RNASET2: variants seen among roughly 807,000 people sequenced by gnomAD.
The protein encoded by RNASET2 is ribonuclease T2.
RNASET2 carries 28 observed loss-of-function variants against 33.9 expected under a neutral mutation model. The observed-to-expected ratio is 0.83, with a 90% CI of 0.61 to 1.13. RNASET2 has a LOEUF of 1.13. RNASET2 is among the 50% of genes most tolerant of loss of function. The pLI is 0.00. For synonymous variants in RNASET2, 123 were observed against 121.0 expected (o/e 1.02, Z -0.11); for missense variants, 330 against 319.9 (o/e 1.03, Z -0.24).
chr6:166,947,991 A>T (rs1778888602), intron 3 of RNASET2, among the ~76,000 whole-genome samples: 1 of 152,206 alleles, frequency 6.6e-6, no homozygotes, highest in Admixed American at 6.5e-5. Context: ...AGAAGAACAA[A>T]ATGAGAAAAT....
At chr6:166,955,177 ACACACACACACG>A (rs1562506331) in intron 1 of RNASET2, among the ~76,000 whole-genome samples, 3 of 112,266 alleles carry the variant, frequency 2.7e-5, no homozygotes, top group Admixed American at 8.2e-5. Flanking sequence ...GGCGGCTGCC[ACACACACACACG>A]CACACACGCA....
chr6:166,945,712 C>G (rs946823635), intron 4 of RNASET2, among the ~76,000 whole-genome samples: 1 of 151,836 alleles, frequency 6.6e-6, no homozygotes, highest in East Asian at 1.9e-4. Flanking sequence ...TGCCTGTAAT[C>G]CCAGCTACTC....
At chr6:166,930,912 T>A in intron 8 of RNASET2, 132 bp downstream of exon 8, 1 of 756,026 alleles carries the variant, frequency 1.3e-6, no homozygotes. Context: ...ACACACCACA[T>A]GCCCACATAT....
chr6:166,948,328 AG>A (rs977796818), intron 3 of RNASET2: 1 of 566,352 alleles, frequency 1.8e-6, no homozygotes, highest in African/African-American at 1.9e-5. Context: ...CCTAGGCAAC[AG>A]AGTAAGACTC....
intron 1 of RNASET2, chr6:166,952,999 C>T (rs1779025190): frequency 1.3e-5 from 3 of 228,164 alleles, no homozygotes; most frequent in Non-Finnish European, 2.7e-5. Flanking sequence ...AAAACATAAC[C>T]TGAACTAGCA....
rs1216865154 is a variant in RNASET2 at position 166,946,126 on chromosome 6, C to T, written c.261+556G>A. On this transcript the variant is annotated intron_variant, in intron 4 of 8. Transcript: ENST00000508775. ...ATAAGGTACGGGTATCTCAAAGGAA[C>T]GCCTCTGCTAGTATCTCTAATAAAT... 3.3e-5 allele frequency among the ~76,000 whole-genome samples: 5 copies of T among 152,298 alleles called. No individual in the cohort carries two copies. The East Asian group carries it at 7.7e-4, about 24-fold the overall frequency.
In RNASET2 at chr6:166,929,555, T is replaced by G; in HGVS notation, c.*33A>C. On this transcript the variant is annotated 3_prime_UTR_variant, in exon 9 of 9. Transcript: ENST00000508775. ...GCTGCAGTTTGTGAATTTCTCTTGC[T>G]TTTTAAAACAGAATATTTCCAAAAC... 6.2e-7 allele frequency: 1 copy of G among 1,608,190 alleles called. No individual in the cohort carries two copies. The highest frequency in any genetic ancestry group is 8.5e-7 in the Non-Finnish European group (1 of 1,174,612).
At chr6:166,949,726 C>G (rs2128646967) in intron 2 of RNASET2, among the ~76,000 whole-genome samples, 1 of 152,314 alleles carries the variant, frequency 6.6e-6, no homozygotes, top group East Asian at 1.9e-4. Context: ...AAGCCAGAAG[C>G]TGGGCTCCTT....
intron 5 of RNASET2, among the ~76,000 whole-genome samples, chr6:166,940,183 A>C (rs917179264): frequency 6.6e-6 from 1 of 152,252 alleles, no homozygotes; most frequent in African/African-American, 2.4e-5. Context: ...TGAAAAGACA[A>C]AATGGGAATC....
chr6:166,943,601 C>A (rs1778747382), intron 4 of RNASET2: 1 of 350,750 alleles, frequency 2.9e-6, no homozygotes, highest in Non-Finnish European at 5.7e-6. Context: ...TGCTCCAGAG[C>A]ACACTGGGTG....
chr6:166,939,072 G>A (rs1021565258), intron 5 of RNASET2, 64 bp from the exon 6 acceptor site: 5 of 1,191,580 alleles, frequency 4.2e-6, no homozygotes, highest in Admixed American at 1.7e-5. Context: ...AGTGGCTCAT[G>A]CCTGTAATCC....
Position 166,929,746 on chromosome 6 carries a change from T to C in RNASET2, c.613A>G (p.Lys205Glu). Residue 205 changes from lysine to glutamate, a missense_variant, in exon 9 of 9, where the codon AAG becomes GAG. By Grantham distance (56) the Lys-to-Glu change is moderately conservative. Transcript: ENST00000508775. ...CAGTTTTGCAGCTGCTGGTCTTGCT[T>C]AGTGAGGCACAGTTCTATCTGACCA... ...TIGQIELCLT[K>E]QDQQLQNCTE... 2 of 1,614,158 alleles carry C rather than the reference T, an allele frequency of 1.2e-6. No individual in the cohort carries two copies. Among genetic ancestry groups the C allele is most frequent in the Non-Finnish European group, 1.7e-6 (2 of 1,180,022 alleles).
intron 8 of RNASET2, among the ~76,000 whole-genome samples, chr6:166,930,607 T>C (rs1230601885): frequency 1.4e-5 from 2 of 147,052 alleles, no homozygotes; most frequent in East Asian, 2.1e-4. Flanking sequence ...CACACATGCA[T>C]GTACATGCAC....
Position 166,929,528 on chromosome 6 carries a change from A to C in RNASET2, c.*60T>G. The C allele has an allele frequency of 6.4e-7, 1 of 1,554,512 alleles. No individual in the cohort carries two copies. The highest frequency in any genetic ancestry group is 1.1e-5 in the South Asian group (1 of 89,712). On this transcript the variant is annotated 3_prime_UTR_variant, in exon 9 of 9. Transcript: ENST00000508775. ...CTTCACTTTGGAGTTGTTTTTTAGA[A>C]AGCTGCAGTTTGTGAATTTCTCTTG...
At position 166,927,423 on chromosome 6, in the gene RNASET2, A is replaced by G. The variant is rs114588142; in HGVS notation, c.*2165T>C. 0.011 allele frequency among the ~76,000 whole-genome samples: 1,599 copies of G among 151,950 alleles called. 30 individuals carry two copies. The highest frequency in any genetic ancestry group is 0.036 in the African/African-American group (1,495 of 41,410). Reference sequence around the variant, plus strand: ...GACGTGACAATGGCAGGAAACCAGCACTCCGCAGCCCATGCCTCCCACCAG... The same window carrying G: ...GACGTGACAATGGCAGGAAACCAGCGCTCCGCAGCCCATGCCTCCCACCAG... On this transcript the variant is annotated 3_prime_UTR_variant, in exon 9 of 9. Coordinates refer to ENST00000508775, the MANE Select transcript of RNASET2 (RefSeq NM_003730.6).
rs992546399 is a variant in RNASET2, at chr6:166,922,581, A to G, written c.*7007T>C. ...CTCTAAAACATTCAGAGAAAAACCAATCGGGTGACATTTCAGTTTTGATTA... is the reference window on the plus strand; with the variant it reads ...CTCTAAAACATTCAGAGAAAAACCAGTCGGGTGACATTTCAGTTTTGATTA... On this transcript the variant is annotated 3_prime_UTR_variant, in exon 9 of 9. Coordinates refer to ENST00000508775, the MANE Select transcript of RNASET2 (RefSeq NM_003730.6). 7.2e-5 allele frequency among the ~76,000 whole-genome samples: 11 copies of G among 152,132 alleles called. No homozygotes were observed. The highest frequency in any genetic ancestry group is 1.9e-4 in the African/African-American group (8 of 41,436).
In RNASET2 at chr6:166,933,808, A is replaced by G. The variant is rs1778502527; in HGVS notation, c.492+283T>C. On this transcript the variant is annotated intron_variant, in intron 7 of 8. Coordinates refer to ENST00000508775, the MANE Select transcript of RNASET2 (RefSeq NM_003730.6). The surrounding 1 kb of genome is among the most constrained non-coding windows in gnomAD (Gnocchi z 4.1). The stretch of plus-strand genomic sequence containing the variant: ...TTATAAAAGTGAATGTGACTCTTGA[A>G]ACTGCAGATTCCACCTGCTCTGCCG... The G allele has an allele frequency of 3.9e-6, 2 of 515,414 alleles. No homozygotes were observed. Among genetic ancestry groups the G allele is most frequent in the East Asian group, 6.3e-5 (2 of 31,578 alleles). 31.9% of individuals were successfully genotyped at this position (515,414 alleles called of 1,614,324 possible).
Position 166,922,404 on chromosome 6 carries a change from C to A in RNASET2, c.*7184G>T, listed in dbSNP as rs1430348961. Among the ~76,000 whole-genome samples, 1 of 151,516 alleles carries A rather than the reference C, an allele frequency of 6.6e-6. No individual in the cohort carries two copies. The highest frequency in any genetic ancestry group is 1.5e-5 in the Non-Finnish European group (1 of 67,882). On this transcript the variant is annotated 3_prime_UTR_variant, in exon 9 of 9. Coordinates refer to ENST00000508775, the MANE Select transcript of RNASET2 (RefSeq NM_003730.6). ...ATCCCCCGGCTCCCCATCAAAAAAACCACTTGATTTCCAGGAATTGCCATA... is the reference window on the plus strand; with the variant it reads ...ATCCCCCGGCTCCCCATCAAAAAAAACACTTGATTTCCAGGAATTGCCATA...
chr6:166,946,321 G>T (rs1274351633), intron 4 of RNASET2, among the ~76,000 whole-genome samples: 1 of 152,108 alleles, frequency 6.6e-6, no homozygotes, highest in Non-Finnish European at 1.5e-5. Flanking sequence ...TTCCCACGTC[G>T]GTCATCTGAC....
Sources: allele counts gnomAD v4.1 joint callset (sites outside exome capture counted in the v4.1 genomes callset), GRCh38; gene constraint gnomAD v4.1.1; non-coding constraint Gnocchi (gnomAD v3.1); transcripts MANE v1.5; gene names NCBI Gene and HGNC (gene_info 2026-07-23, HGNC 2026-07-21).